Variants in DDX50 observed in about 807,000 individuals in gnomAD.
DDX50 encodes the protein DExD-box helicase 50.
A neutral mutation model predicts 94.8 loss-of-function variants in DDX50; 56 were observed. That is an observed-to-expected ratio of 0.59 (90% CI 0.48 to 0.74). The LOEUF (loss-of-function observed/expected upper bound fraction) is 0.74, where lower values mean the gene tolerates loss of function less well. DDX50 is among the 30% of genes least tolerant of loss of function. The pLI is 0.00. For synonymous variants in DDX50, 264 were observed against 295.4 expected, an observed-to-expected ratio of 0.89 and a Z score of 1.09; for missense variants, 713 against 881.2, an observed-to-expected ratio of 0.81 and a Z score of 2.42.
In DDX50 at chr10:68,943,264, T is replaced by A; in HGVS notation, c.1935+7T>A. 1 of 1,602,878 alleles carries A rather than the reference T, an allele frequency of 6.2e-7. No individual in the cohort carries two copies. The highest frequency in any genetic ancestry group is 8.5e-7 in the Non-Finnish European group (1 of 1,176,432). On this transcript the variant is annotated splice_region_variant and intron_variant, in intron 14 of 14. Transcript: ENST00000373585. ...TGAGTCAGAAAGGTTACAGGTATTT[T>A]TAAAATTTTATCTTTTAAATGGTTG...
chr10:68,930,114 CTT>C (rs34023657), intron 8 of DDX50, among the ~76,000 whole-genome samples: 9 of 99,770 alleles, frequency 9.0e-5, no homozygotes, highest in Non-Finnish European at 3.8e-5. Context: ...CTTTCCTTTC[CTT>C]TTTTTTTTTT....
intron 12 of DDX50, among the ~76,000 whole-genome samples, chr10:68,938,803 TAGTTA>T (rs148517552): frequency 9.8e-5 from 15 of 152,356 alleles, no homozygotes; most frequent in African/African-American, 3.4e-4. Context: ...ATTCAGGACC[TAGTTA>T]AGTTTTACAT....
At chr10:68,914,382 G>C (rs529876089) in intron 7 of DDX50, among the ~76,000 whole-genome samples, 178 bp downstream of exon 7, 1 of 152,120 alleles carries the variant, frequency 6.6e-6, no homozygotes, top group Non-Finnish European at 1.5e-5. Flanking sequence ...AGAATAAATA[G>C]GGGGAAAAAA....
rs1841898338 is a variant in DDX50, at chr10:68,919,952, G to T, written c.1210G>T (p.Glu404Ter). The part of the protein sequence containing the change: ...IFCETKKNVT[E>*]MAMNPHIKQN... ...CTGTGAGACCAAGAAGAATGTAACT[G>T]AAATGGCCATGAATCCACACATAAA... The change falls in exon 8 of 15, where the codon GAA (glutamate) becomes TAA (stop). Residue 404 changes from glutamate to a stop codon, truncating the protein, a stop_gained. Transcript: ENST00000373585. LOFTEE classifies it high-confidence loss of function. 6.2e-7 allele frequency: 1 copy of T among 1,614,076 alleles called. No homozygotes were observed. The highest frequency in any genetic ancestry group is 1.3e-5 in the African/African-American group (1 of 74,926).
rs893716221 is a variant in DDX50, at chr10:68,946,807, T to C, written c.*177T>C. ...TGGAACAAATCTACTTATCCAGTTATACCTTTGAATAAAAAAACCTCCTTT... is the reference window on the plus strand; with the variant it reads ...TGGAACAAATCTACTTATCCAGTTACACCTTTGAATAAAAAAACCTCCTTT... On this transcript the variant is annotated 3_prime_UTR_variant, in exon 15 of 15. Coordinates refer to ENST00000373585, the MANE Select transcript of DDX50 (RefSeq NM_024045.2). 5.4e-6 allele frequency: 4 copies of C among 745,750 alleles called. No homozygotes were observed. Among genetic ancestry groups the C allele is most frequent in the Non-Finnish European group, 8.3e-6 (4 of 482,600 alleles). 46.2% of individuals were successfully genotyped at this position (745,750 alleles called of 1,614,324 possible).
chr10:68,931,411 G>GTA lies in DDX50; in HGVS notation c.1240-2773_1240-2772dup, dbSNP rs71031810. Reference sequence around the variant, plus strand: ...AAAAAAAATATATATATATATATATGTATATATATATATATACACAAACAC... The same window carrying GTA: ...AAAAAAAATATATATATATATATATGTATATATATATATATATACACAAACAC... On this transcript the variant is annotated intron_variant, in intron 8 of 14. Coordinates refer to ENST00000373585, the MANE Select transcript of DDX50 (RefSeq NM_024045.2). 1.2e-3 allele frequency among the ~76,000 whole-genome samples: 84 copies of GTA among 69,218 alleles called. 1 individual carries two copies. The highest frequency in any genetic ancestry group is 4.2e-3 in the African/African-American group (66 of 15,616). The allele number at this position is 69,218 out of a possible 152,430, so 45.4% of individuals were successfully genotyped here.
At chr10:68,928,407 A>T (rs1842146729) in intron 8 of DDX50, among the ~76,000 whole-genome samples, 1 of 152,190 alleles carries the variant, frequency 6.6e-6, no homozygotes, top group Admixed American at 6.5e-5. Context: ...ACGATGGCTT[A>T]CATCTGTAAT....
At chr10:68,916,757 C>T (rs34761771) in intron 7 of DDX50, among the ~76,000 whole-genome samples, 17,963 of 152,246 alleles carry the variant, frequency 0.12, 1,350 homozygotes, top group Admixed American at 0.18. Context: ...GATCTCAGCA[C>T]GCTGCAACCT....
intron 12 of DDX50, 83 bp from the exon 13 acceptor site, chr10:68,940,977 A>G: frequency 6.6e-7 from 1 of 1,507,624 alleles, no homozygotes; most frequent in Admixed American, 2.4e-5. Flanking sequence ...TGCACAGTTA[A>G]GTCTTGAAGG....
At chr10:68,936,135 G>A in intron 11 of DDX50, 56 bp downstream of exon 11, 1 of 1,402,904 alleles carries the variant, frequency 7.1e-7, no homozygotes. Flanking sequence ...CTATTCATCT[G>A]TAAGCTCTCC....
At chr10:68,937,760 A>G (rs1041582427) in intron 12 of DDX50, among the ~76,000 whole-genome samples, 2 of 151,876 alleles carry the variant, frequency 1.3e-5, no homozygotes, top group African/African-American at 2.4e-5. Context: ...TAATTTTTGT[A>G]TTTTTAGTAG....
chr10:68,939,510 A>G (rs749827764), intron 12 of DDX50, among the ~76,000 whole-genome samples: 23 of 152,086 alleles, frequency 1.5e-4, no homozygotes, highest in African/African-American at 3.9e-4. Context: ...TCCTCTTGCT[A>G]TCTTCTTGAC....
chr10:68,901,426 A>G lies in DDX50; in HGVS notation c.42A>G (p.Glu14=). Residue 14 remains glutamate, a synonymous_variant, in exon 1 of 15, where the codon GAA becomes GAG. Coordinates refer to ENST00000373585, the MANE Select transcript of DDX50 (RefSeq NM_024045.2). ...TCTGGGGGGACATTATGGAGCTGGAAGCACCCTTGGAGGAGTCCGAGAGCC... is the reference window on the plus strand; with the variant it reads ...TCTGGGGGGACATTATGGAGCTGGAGGCACCCTTGGAGGAGTCCGAGAGCC... ...KLLWGDIMEL[E]APLEESESQK... is the part of the protein sequence containing the mutation. 6.3e-7 allele frequency: 1 copy of G among 1,576,170 alleles called. No homozygotes were observed. The highest frequency in any genetic ancestry group is 8.6e-7 in the Non-Finnish European group (1 of 1,161,580).
intron 1 of DDX50, among the ~76,000 whole-genome samples, chr10:68,905,171 C>G (rs1237595319): frequency 1.3e-5 from 2 of 152,110 alleles, no homozygotes; most frequent in Non-Finnish European, 2.9e-5. Context: ...CCAACCTCGC[C>G]CCCCCAGAGT....
At chr10:68,927,897 C>T (rs1249848407) in intron 8 of DDX50, among the ~76,000 whole-genome samples, 1 of 152,140 alleles carries the variant, frequency 6.6e-6, no homozygotes. Context: ...TGGTTCATGC[C>T]TGTAATTCTA....
intron 8 of DDX50, among the ~76,000 whole-genome samples, chr10:68,922,758 A>T (rs1841973818): frequency 6.7e-6 from 1 of 149,620 alleles, no homozygotes; most frequent in Non-Finnish European, 1.5e-5. Flanking sequence ...GTGATGCTGT[A>T]CTCTATCTTG....
chr10:68,914,603 C>T (rs1841729327), intron 7 of DDX50, among the ~76,000 whole-genome samples: 3 of 152,166 alleles, frequency 2.0e-5, no homozygotes, highest in Non-Finnish European at 4.4e-5. Flanking sequence ...AAGATAGATC[C>T]TCATCCCATT....
intron 8 of DDX50, among the ~76,000 whole-genome samples, chr10:68,924,952 A>G (rs780877854): frequency 4.6e-5 from 7 of 152,128 alleles, no homozygotes; most frequent in Non-Finnish European, 1.0e-4. Context: ...GCTGTTGTCA[A>G]CAATTTGAGA....
intron 7 of DDX50, among the ~76,000 whole-genome samples, chr10:68,916,683 A>G (rs1029730450): frequency 4.6e-5 from 7 of 152,086 alleles, no homozygotes; most frequent in African/African-American, 1.7e-4. Flanking sequence ...CAGTAGAAGA[A>G]AAACAGTAAT....
Sources: gnomAD v4.1 joint callset for allele counts (sites outside exome capture counted in the v4.1 genomes callset) on GRCh38, gnomAD v4.1.1 for gene constraint, MANE v1.5 for transcripts, NCBI Gene and HGNC (gene_info 2026-07-23, HGNC 2026-07-21) for gene names.